Variants in LRBA observed in about 807,000 individuals in gnomAD.
LRBA encodes lipopolysaccharide-responsive and beige-like anchor protein.
In LRBA, 176 loss-of-function variants were observed where a neutral mutation model predicts 330.0. The ratio of observed to expected loss-of-function variants is 0.53; its 90% CI spans 0.47 to 0.60. The LOEUF (loss-of-function observed/expected upper bound fraction) is 0.60, where lower values mean the gene tolerates loss of function less well. Ranked by LOEUF, LRBA falls within the 20% of genes least tolerant of loss-of-function variation. The probability of loss-of-function intolerance (pLI) is 0.00; values close to 1 mark genes in which losing one functional copy is unlikely to be tolerated. For missense variants in LRBA, 3,259 were observed against 3,444.8 expected, an observed-to-expected ratio of 0.95 and a Z score of 1.35; for synonymous variants, 1,230 against 1,193.0, an observed-to-expected ratio of 1.03 and a Z score of -0.64.
At chr4:150,326,727 C>G (rs1213484556) in intron 48 of LRBA, among the ~76,000 whole-genome samples, 1 of 152,172 alleles carries the variant, frequency 6.6e-6, no homozygotes, top group Non-Finnish European at 1.5e-5. Context: ...TATGTATCTT[C>G]TTCACTGTTA....
chr4:150,490,064 T>G (rs998406845), intron 41 of LRBA, among the ~76,000 whole-genome samples: 18 of 151,632 alleles, frequency 1.2e-4, no homozygotes, highest in Non-Finnish European at 2.5e-4. Flanking sequence ...TTCTCTTGAT[T>G]ATTTGCCTAG....
At chr4:150,678,235 T>C in intron 37 of LRBA, among the ~76,000 whole-genome samples, 1 of 148,702 alleles carries the variant, frequency 6.7e-6, no homozygotes. Flanking sequence ...AGTGAGACTC[T>C]GTCTCCAAGA....
At position 150,709,518 on chromosome 4, in the gene LRBA, T is replaced by C. The variant is rs148172081; in HGVS notation, c.5754+25740A>G. Among the ~76,000 whole-genome samples the C allele has an allele frequency of 1.2e-3, 184 of 152,040 alleles. 4 individuals carry two copies. The highest frequency in any genetic ancestry group is 4.3e-3 in the African/African-American group (180 of 41,558). ...TTGGCCTTTCTCATGCATAATCCAT[T>C]TGTTTCCATAGAGAACCATCCTTAC... On this transcript the variant is annotated intron_variant, in intron 36 of 56. Coordinates refer to ENST00000651943, the MANE Select transcript of LRBA (RefSeq NM_001364905.1).
chr4:150,998,207 G>T (rs972992013), intron 2 of LRBA, among the ~76,000 whole-genome samples: 3 of 151,714 alleles, frequency 2.0e-5, no homozygotes, highest in Non-Finnish European at 4.4e-5. Context: ...TACAAAATTA[G>T]CCAGGCTTGG....
chr4:150,354,057 GC>G (rs1370580183), intron 47 of LRBA, among the ~76,000 whole-genome samples: 1 of 152,048 alleles, frequency 6.6e-6, no homozygotes, highest in African/African-American at 2.4e-5. Flanking sequence ...AGTAGGTAAT[GC>G]ACTTAAGACT....
rs140490188 is a variant in LRBA, at chr4:150,286,002, C to T, written c.8050G>A (p.Gly2684Ser). The T allele has an allele frequency of 5.2e-5, 82 of 1,590,274 alleles. No homozygotes were observed. The highest frequency in any genetic ancestry group is 6.7e-5 in the Non-Finnish European group (78 of 1,168,276). ...GCACATGTGACCTCATAGTCATGGCCGGTCAAAATGGCCCGAGGAGCAGCA... is the reference window on the plus strand; with the variant it reads ...GCACATGTGACCTCATAGTCATGGCTGGTCAAAATGGCCCGAGGAGCAGCA... ...ETAAPRAILT[G>S]HDYEVTCAAV... The change falls in exon 54 of 57, where the codon GGC becomes AGC. Residue 2684 changes from glycine (G) to serine (S), a missense_variant. Coordinates refer to ENST00000651943, the MANE Select transcript of LRBA (RefSeq NM_001364905.1).
intron 40 of LRBA, among the ~76,000 whole-genome samples, chr4:150,506,826 A>T (rs899922789): frequency 3.3e-5 from 5 of 152,028 alleles, no homozygotes; most frequent in African/African-American, 1.2e-4. Context: ...TATCTAGAAA[A>T]CCCCATTGTC....
intron 44 of LRBA, among the ~76,000 whole-genome samples, chr4:150,466,824 T>G (rs1755508152): frequency 2.0e-5 from 3 of 152,098 alleles, no homozygotes; most frequent in African/African-American, 7.2e-5. Context: ...CAGTTTGAAC[T>G]CATAATGTAT....
chr4:150,552,299 C>T (rs1766710505), intron 40 of LRBA, among the ~76,000 whole-genome samples: 2 of 152,120 alleles, frequency 1.3e-5, no homozygotes, highest in African/African-American at 2.4e-5. Flanking sequence ...ACTTTTCATA[C>T]CAATAACCAT....
At chr4:150,414,482 T>A (rs938700629) in intron 47 of LRBA, among the ~76,000 whole-genome samples, 11 of 152,244 alleles carry the variant, frequency 7.2e-5, no homozygotes, top group South Asian at 4.1e-4. Context: ...TTTTATTTTT[T>A]AAATTTATTT....
At chr4:150,887,696 G>C (rs565630808) in intron 17 of LRBA, among the ~76,000 whole-genome samples, 24 of 150,794 alleles carry the variant, frequency 1.6e-4, no homozygotes, top group South Asian at 4.2e-4. Flanking sequence ...ATGAACCCAG[G>C]AGGCGGAGCT....
rs58558446 is a variant in LRBA, at chr4:150,694,462, C to CAAAAAAAAAA, written c.5755-10755_5755-10746dup. Among the ~76,000 whole-genome samples, 21 of 71,032 alleles carry CAAAAAAAAAA rather than the reference C, an allele frequency of 3.0e-4. 1 individual carries two copies. Among genetic ancestry groups the CAAAAAAAAAA allele is most frequent in the African/African-American group, 7.8e-4 (16 of 20,414 alleles). 46.6% of individuals were successfully genotyped at this position (71,032 alleles called of 152,430 possible). A position where few individuals can be genotyped will look rare whatever the true frequency, so the allele number is the denominator to read the frequency against. ...CCTTACCTTAAAGTGTGATCTTTAACAAAAAAAAAAAAAAGCTATCTACAG... is the reference window on the plus strand; with the variant it reads ...CCTTACCTTAAAGTGTGATCTTTAACAAAAAAAAAAAAAAAAAAAAAAAAGCTATCTACAG... On this transcript the variant is annotated intron_variant, in intron 36 of 56. Coordinates refer to ENST00000651943, the MANE Select transcript of LRBA (RefSeq NM_001364905.1).
chr4:151,007,155 A>AT (rs1251742494), intron 2 of LRBA, among the ~76,000 whole-genome samples: 8 of 152,236 alleles, frequency 5.3e-5, no homozygotes, highest in African/African-American at 1.9e-4. Context: ...TGCTCAACTG[A>AT]TTTTTGACAA....
chr4:150,952,881 G>C (rs1737005659), intron 2 of LRBA, among the ~76,000 whole-genome samples: 1 of 152,104 alleles, frequency 6.6e-6, no homozygotes, highest in South Asian at 2.1e-4. Flanking sequence ...ATATCTCTGT[G>C]TATGTGTCCA....
intron 44 of LRBA, among the ~76,000 whole-genome samples, chr4:150,447,904 T>G (rs1415386445): frequency 6.6e-6 from 1 of 152,170 alleles, no homozygotes; most frequent in African/African-American, 2.4e-5. Context: ...ACTTTCAAAT[T>G]TGACATTACT....
intron 40 of LRBA, among the ~76,000 whole-genome samples, chr4:150,569,058 C>T (rs536319789): frequency 6.6e-6 from 1 of 152,176 alleles, no homozygotes; most frequent in South Asian, 2.1e-4. Context: ...CAAGGGCTTG[C>T]TGTAAAAATG....
chr4:150,780,322 TG>T (rs1429499301), intron 34 of LRBA, among the ~76,000 whole-genome samples: 32 of 152,182 alleles, frequency 2.1e-4, no homozygotes, highest in Non-Finnish European at 3.7e-4. Context: ...CTTATGTTTA[TG>T]CTATGAAATG....
At chr4:150,588,953 A>C (rs1196451558) in intron 39 of LRBA, among the ~76,000 whole-genome samples, 2 of 152,144 alleles carry the variant, frequency 1.3e-5, no homozygotes, top group African/African-American at 4.8e-5. Flanking sequence ...TTCACTACAG[A>C]CAGAACAGCA....
intron 44 of LRBA, among the ~76,000 whole-genome samples, chr4:150,448,565 G>A (rs1014612743): frequency 1.3e-5 from 2 of 152,092 alleles, no homozygotes; most frequent in African/African-American, 4.8e-5. Flanking sequence ...ACTTCGGGAG[G>A]CCGAGGCAGG....
Sources: gnomAD v4.1 joint callset for allele counts (sites outside exome capture counted in the v4.1 genomes callset) on GRCh38, gnomAD v4.1.1 for gene constraint, MANE v1.5 for transcripts, NCBI Gene and HGNC (gene_info 2026-07-23, HGNC 2026-07-21) for gene names.